FAT3: variants seen among roughly 807,000 people sequenced by gnomAD.
FAT3 encodes protocadherin Fat 3.
Under a neutral mutation model 310.2 loss-of-function variants are expected in FAT3, and 95 were observed. The observed-to-expected ratio is 0.31, with a 90% CI of 0.26 to 0.36. The LOEUF (loss-of-function observed/expected upper bound fraction) is 0.36, where lower values mean the gene tolerates loss of function less well. Ranked by LOEUF, FAT3 falls within the 10% of genes least tolerant of loss-of-function variation. The pLI, the probability that FAT3 is intolerant of heterozygous loss-of-function variation, is 1.00. For synonymous variants in FAT3, 2,314 were observed against 2,192.9 expected, an observed-to-expected ratio of 1.06 and a Z score of -1.54; for missense variants, 5,408 against 5,715.6, an observed-to-expected ratio of 0.95 and a Z score of 1.74.
At chr11:92,363,696 A>G (rs1435245653) in intron 2 of FAT3, among the ~76,000 whole-genome samples, 1 of 152,204 alleles carries the variant, frequency 6.6e-6, no homozygotes, top group African/African-American at 2.4e-5. Flanking sequence ...ATTTTGGCCC[A>G]GGCTTGCCCT....
At chr11:92,520,477 A>G (rs1164111997) in intron 2 of FAT3, among the ~76,000 whole-genome samples, 2 of 152,074 alleles carry the variant, frequency 1.3e-5, no homozygotes, top group East Asian at 3.9e-4. Flanking sequence ...AGGTTATTGT[A>G]TTCCAAATAC....
chr11:92,666,623 G>T (rs998779270), intron 3 of FAT3, among the ~76,000 whole-genome samples: 1 of 151,760 alleles, frequency 6.6e-6, no homozygotes, highest in African/African-American at 2.4e-5. Flanking sequence ...GCCTCCCAAA[G>T]TGCTGAGATT....
At chr11:92,628,425 C>CACATTT (rs1792259509) in intron 3 of FAT3, among the ~76,000 whole-genome samples, 1 of 152,312 alleles carries the variant, frequency 6.6e-6, no homozygotes, top group East Asian at 1.9e-4. Context: ...TTACTCCATT[C>CACATTT]ACATTTGCCC....
intron 2 of FAT3, among the ~76,000 whole-genome samples, chr11:92,474,405 G>A (rs1055200203): frequency 2.0e-5 from 3 of 152,148 alleles, no homozygotes; most frequent in African/African-American, 7.2e-5. Flanking sequence ...TCAAGCCACT[G>A]CACCTAAAAT....
At chr11:92,668,313 T>C (rs1392955910) in intron 3 of FAT3, among the ~76,000 whole-genome samples, 1 of 152,222 alleles carries the variant, frequency 6.6e-6, no homozygotes, top group Non-Finnish European at 1.5e-5. Context: ...CTTCAATACC[T>C]TCTATGTATT....
chr11:92,434,235 C>A (rs1565313951), intron 2 of FAT3, among the ~76,000 whole-genome samples: 1 of 152,104 alleles, frequency 6.6e-6, no homozygotes, highest in Non-Finnish European at 1.5e-5. Flanking sequence ...TCATGTTCCT[C>A]ATTGACAGTG....
chr11:92,525,573 T>C (rs1211547018), intron 3 of FAT3, among the ~76,000 whole-genome samples: 1 of 152,228 alleles, frequency 6.6e-6, no homozygotes, highest in Non-Finnish European at 1.5e-5. Flanking sequence ...TGCATTTGGC[T>C]GAATGCATTC....
chr11:92,496,374 A>G (rs1478320588), intron 2 of FAT3, among the ~76,000 whole-genome samples: 1 of 151,024 alleles, frequency 6.6e-6, no homozygotes, highest in East Asian at 2.0e-4. Flanking sequence ...CCCCCTCCCT[A>G]CTTCTAACCT....
chr11:92,339,060 G>A (rs1948169462), intron 1 of FAT3, among the ~76,000 whole-genome samples: 1 of 152,210 alleles, frequency 6.6e-6, no homozygotes, highest in Admixed American at 6.5e-5. Flanking sequence ...CCTTTTGGGA[G>A]TTGTTTTTTT....
At chr11:92,486,133 T>TTTTTTTG (rs1952384885) in intron 2 of FAT3, among the ~76,000 whole-genome samples, 1 of 117,714 alleles carries the variant, frequency 8.5e-6, no homozygotes. Context: ...TGCTGGGGTT[T>TTTTTTTG]TTTTTTTTTT....
intron 1 of FAT3, among the ~76,000 whole-genome samples, chr11:92,270,200 A>G (rs989538278): frequency 6.6e-6 from 1 of 152,124 alleles, no homozygotes; most frequent in African/African-American, 2.4e-5. Context: ...CTGGACTTCA[A>G]TTATATTACC....
chr11:92,427,238 G>A (rs944162607), intron 2 of FAT3, among the ~76,000 whole-genome samples: 1 of 152,174 alleles, frequency 6.6e-6, no homozygotes, highest in Non-Finnish European at 1.5e-5. Context: ...CTGAGACTTT[G>A]CTGAAGTTGC....
chr11:92,387,957 A>T (rs1029739500), intron 2 of FAT3, among the ~76,000 whole-genome samples: 2 of 152,162 alleles, frequency 1.3e-5, no homozygotes, highest in Non-Finnish European at 2.9e-5. Context: ...ACCATGGTAT[A>T]CTGTCCTTGT....
In FAT3 at chr11:92,896,205, A is replaced by G. The variant is rs369999562; in HGVS notation, c.*5092A>G. 1.4e-4 allele frequency: 21 copies of G among 152,242 alleles called. No homozygotes were observed. The East Asian group carries it at 3.9e-3, about 28-fold the overall frequency. 9.4% of individuals were successfully genotyped at this position (152,242 alleles called of 1,614,324 possible). On this transcript the variant is annotated 3_prime_UTR_variant, in exon 28 of 28. Coordinates refer to ENST00000525166, the MANE Select transcript of FAT3 (RefSeq NM_001367949.2). Reference sequence around the variant, plus strand: ...CACATCACACACCAAACCTTATGCAAAGGGGAAAGCTAACACTTAGAGTGG... The same window carrying G: ...CACATCACACACCAAACCTTATGCAGAGGGGAAAGCTAACACTTAGAGTGG...
rs562657289 is a variant in FAT3, at chr11:92,772,539, AT to A, written c.4196-1495del. On this transcript the variant is annotated intron_variant, in intron 6 of 27. Transcript: ENST00000525166. ...TCTCTCCTTATCCTATCTTCAAACA[AT>A]TTTTTTGGAGTTAATATTTAGTGCT... Among the ~76,000 whole-genome samples the A allele has an allele frequency of 2.6e-4, 39 of 152,082 alleles. 1 individual carries two copies. The South Asian group carries it at 8.1e-3, about 32-fold the overall frequency.
chr11:92,276,807 T>C (rs1946286967), intron 1 of FAT3, among the ~76,000 whole-genome samples: 1 of 152,178 alleles, frequency 6.6e-6, no homozygotes, highest in South Asian at 2.1e-4. Flanking sequence ...TTTGGGGTAG[T>C]TTGTTATGTG....
At chr11:92,705,808 G>A (rs867230847) in intron 4 of FAT3, among the ~76,000 whole-genome samples, 1,711 of 139,678 alleles carry the variant, frequency 0.012, 6 homozygotes, top group Non-Finnish European at 0.018. Context: ...TGTTGGTGTT[G>A]GTGGTGGTGT....
chr11:92,478,658 C>G lies in FAT3; in HGVS notation c.3293-45976C>G. 2.0e-5 allele frequency among the ~76,000 whole-genome samples: 3 copies of G among 152,132 alleles called. No homozygotes were observed. The South Asian group carries it at 6.3e-4, about 32-fold the overall frequency. ...CTGAGACAGAGTCTCGCTCTGTCCC[C>G]GAGGCTAGAGTGCAGTGGCGTGATC... On this transcript the variant is annotated intron_variant, in intron 2 of 27. Transcript: ENST00000525166.
Position 92,225,058 on chromosome 11 carries a change from G to A in FAT3, c.-134G>A, listed in dbSNP as rs6483170. On this transcript the variant is annotated 5_prime_UTR_variant, in exon 1 of 28. Coordinates refer to ENST00000525166, the MANE Select transcript of FAT3 (RefSeq NM_001367949.2). ...CAGTCCCGGCTAGCGCGCGGTGGGC[G>A]CTGCGGCGGCAGCAGCCGGGGGACC... 0.8 allele frequency among the ~76,000 whole-genome samples: 121,720 copies of A among 152,116 alleles called. 48,890 individuals carry two copies. Among genetic ancestry groups the A allele is most frequent in the Middle Eastern group, 0.89 (261 of 292 alleles).
Sources: allele counts gnomAD v4.1 joint callset (sites outside exome capture counted in the v4.1 genomes callset), GRCh38; gene constraint gnomAD v4.1.1; transcripts MANE v1.5; gene names NCBI Gene and HGNC (gene_info 2026-07-23, HGNC 2026-07-21).